EHBP1: variants seen among roughly 807,000 people sequenced by gnomAD.
EHBP1 encodes EH domain binding protein 1, also known as EH domain-binding protein 1.
In EHBP1, 55 loss-of-function variants were observed where a neutral mutation model predicts 144.0. The observed-to-expected ratio is 0.38, with a 90% CI of 0.31 to 0.48. The LOEUF is 0.48. EHBP1 is among the 20% of genes least tolerant of loss of function. EHBP1 has a pLI of 0.98. For synonymous variants in EHBP1, 469 were observed against 472.7 expected (o/e 0.99, Z 0.10); for missense variants, 1,200 against 1,364.2 (o/e 0.88, Z 1.90).
At chr2:62,954,728 C>T (rs1311331432) in intron 13 of EHBP1, among the ~76,000 whole-genome samples, 1 of 151,832 alleles carries the variant, frequency 6.6e-6, no homozygotes, top group Non-Finnish European at 1.5e-5. Flanking sequence ...TATGATTGAA[C>T]CAAAACTATG....
chr2:62,677,278 A>C (rs1283365929), intron 1 of EHBP1, among the ~76,000 whole-genome samples: 1 of 152,234 alleles, frequency 6.6e-6, no homozygotes, highest in African/African-American at 2.4e-5. Context: ...TGAAGTAAGA[A>C]AATGGAAATA....
At position 62,757,550 on chromosome 2, in the gene EHBP1, T is replaced by C. The variant is rs562156085; in HGVS notation, c.163-6716T>C. ...CTGGGTTCATGCAATTCTCCTGCCT[T>C]AGTCTCCCGAGTAGCTGGGATTACA... On this transcript the variant is annotated intron_variant, in intron 3 of 22. Coordinates refer to ENST00000431489, the MANE Select transcript of EHBP1 (RefSeq NM_001142616.3). Among the ~76,000 whole-genome samples the C allele has an allele frequency of 1.3e-4, 19 of 151,174 alleles. No individual in the cohort carries two copies. In the South Asian group the frequency reaches 3.8e-3, roughly 30 times the overall value.
chr2:62,904,099 G>T (rs2053621961), intron 10 of EHBP1, among the ~76,000 whole-genome samples: 1 of 152,176 alleles, frequency 6.6e-6, no homozygotes, highest in African/African-American at 2.4e-5. Flanking sequence ...CATAAAATAT[G>T]ATATAGAGAG....
chr2:63,008,807 G>A (rs1355569263), intron 19 of EHBP1, among the ~76,000 whole-genome samples: 2 of 151,534 alleles, frequency 1.3e-5, no homozygotes, highest in Non-Finnish European at 3.0e-5. Context: ...TGCATATGCA[G>A]ATAATATTCT....
intron 2 of EHBP1, among the ~76,000 whole-genome samples, chr2:62,738,742 C>G (rs1047666950): frequency 7.9e-5 from 12 of 152,122 alleles, no homozygotes; most frequent in Admixed American, 4.6e-4. Flanking sequence ...TATTCCAACT[C>G]TGCATTTTTT....
chr2:62,781,218 T>C (rs1402262265), intron 5 of EHBP1, among the ~76,000 whole-genome samples: 2 of 152,104 alleles, frequency 1.3e-5, no homozygotes, highest in Non-Finnish European at 2.9e-5. Flanking sequence ...TAGGGGAGGC[T>C]TTCTATTGAA....
chr2:63,005,792 A>G (rs2060013692), intron 19 of EHBP1, among the ~76,000 whole-genome samples: 1 of 152,062 alleles, frequency 6.6e-6, no homozygotes, highest in African/African-American at 2.4e-5. Context: ...ATATTTATTC[A>G]GTATTTTAAA....
At chr2:62,958,606 A>G (rs2057838768) in intron 14 of EHBP1, among the ~76,000 whole-genome samples, 1 of 152,222 alleles carries the variant, frequency 6.6e-6, no homozygotes, top group Non-Finnish European at 1.5e-5. Flanking sequence ...TTATAGCTTT[A>G]TTGTGTCTGA....
intron 10 of EHBP1, among the ~76,000 whole-genome samples, chr2:62,941,041 TACC>T (rs1235192541): frequency 2.0e-5 from 3 of 152,202 alleles, no homozygotes; most frequent in African/African-American, 7.2e-5. Context: ...ATGTATGTAT[TACC>T]CATGCTTGGA....
At chr2:63,023,204 T>C (rs919509472) in intron 19 of EHBP1, among the ~76,000 whole-genome samples, 1 of 152,140 alleles carries the variant, frequency 6.6e-6, no homozygotes, top group Admixed American at 6.5e-5. Flanking sequence ...TCAGATATTT[T>C]TAGATGCTTA....
intron 7 of EHBP1, among the ~76,000 whole-genome samples, chr2:62,845,951 A>C (rs543307764): frequency 1.3e-5 from 2 of 152,266 alleles, no homozygotes; most frequent in South Asian, 4.1e-4. Flanking sequence ...TTTAGCCAAT[A>C]AGTTTATAAG....
intron 19 of EHBP1, among the ~76,000 whole-genome samples, chr2:63,030,263 C>A (rs2061176622): frequency 6.6e-6 from 1 of 152,038 alleles, no homozygotes; most frequent in Non-Finnish European, 1.5e-5. Flanking sequence ...ATTTATGAGT[C>A]AGTTGCTCTA....
chr2:62,736,103 T>C (rs2038091380), intron 2 of EHBP1, among the ~76,000 whole-genome samples: 1 of 152,030 alleles, frequency 6.6e-6, no homozygotes, highest in Non-Finnish European at 1.5e-5. Flanking sequence ...ATTTCTTCTG[T>C]TCCCTTTTCT....
chr2:62,699,863 T>C (rs2034223520), intron 1 of EHBP1, among the ~76,000 whole-genome samples: 2 of 152,222 alleles, frequency 1.3e-5, no homozygotes, highest in African/African-American at 4.8e-5. Context: ...AGTCTCTACC[T>C]GAGTTTCAAG....
intron 14 of EHBP1, among the ~76,000 whole-genome samples, chr2:62,975,887 T>TATACACACACACACACAC (rs1446154644): frequency 3.2e-5 from 4 of 123,752 alleles, no homozygotes; most frequent in African/African-American, 1.2e-4. Flanking sequence ...TTACTGTATG[T>TATACACACACACACACAC]ACACACACAC....
intron 14 of EHBP1, among the ~76,000 whole-genome samples, chr2:62,973,465 G>A (rs1334054688): frequency 6.6e-6 from 1 of 152,134 alleles, no homozygotes; most frequent in Non-Finnish European, 1.5e-5. Flanking sequence ...TAAGAGCAAG[G>A]GCTCTGGAGT....
rs1464467336 is a variant in EHBP1 at position 62,718,193 on chromosome 2, C to G, written c.104+10898C>G. On this transcript the variant is annotated intron_variant, in intron 2 of 22. Transcript: ENST00000431489. ...TTATGAGAGAATATGGCTGAGAAAC[C>G]TAGTTTTCTGATCATGTAATTTAAA... Among the ~76,000 whole-genome samples, 7 of 152,198 alleles carry G rather than the reference C, an allele frequency of 4.6e-5. No individual in the cohort carries two copies. The East Asian group carries it at 1.4e-3, about 29-fold the overall frequency.
chr2:62,836,510 G>A (rs1475796769), intron 7 of EHBP1, among the ~76,000 whole-genome samples: 3 of 143,840 alleles, frequency 2.1e-5, no homozygotes, highest in Non-Finnish European at 4.5e-5. Context: ...TTGACGAGCT[G>A]AGAGAAGGCT....
chr2:62,887,476 T>G (rs762611590), intron 10 of EHBP1, among the ~76,000 whole-genome samples: 53 of 151,476 alleles, frequency 3.5e-4, no homozygotes, highest in Non-Finnish European at 6.6e-4. Context: ...GGTGGCTCAT[T>G]CCTGTGATCC....
Sources: gnomAD v4.1 joint callset for allele counts (sites outside exome capture counted in the v4.1 genomes callset) on GRCh38, gnomAD v4.1.1 for gene constraint, MANE v1.5 for transcripts, NCBI Gene and HGNC (gene_info 2026-07-23, HGNC 2026-07-21) for gene names.